The following GAK variants were observed in gnomAD, a reference collection of about 807,000 sequenced individuals.
GAK encodes cyclin-G-associated kinase.
GAK carries 79 observed loss-of-function variants against 143.9 expected under a neutral mutation model. The ratio of observed to expected loss-of-function variants is 0.55; its 90% CI spans 0.46 to 0.66. GAK has a LOEUF of 0.66. GAK is among the 30% of genes least tolerant of loss of function. The pLI is 0.00. For missense variants in GAK, 1,693 were observed against 1,779.7 expected (o/e 0.95, Z 0.88); for synonymous variants, 881 against 765.5 (o/e 1.15, Z -2.49).
intron 4 of GAK, among the ~76,000 whole-genome samples, chr4:905,594 G>A (rs778454976): frequency 2.7e-5 from 4 of 150,042 alleles, no homozygotes; most frequent in South Asian, 2.1e-4. Context: ...CCCAGGCCAC[G>A]TTACGGACTC....
chr4:916,087 A>G (rs565361968), intron 1 of GAK, among the ~76,000 whole-genome samples: 9 of 152,364 alleles, frequency 5.9e-5, no homozygotes, highest in African/African-American at 2.2e-4. Flanking sequence ...TTTTTTAGAT[A>G]TAAGCACAAA....
intron 14 of GAK, among the ~76,000 whole-genome samples, 200 bp from the exon 15 acceptor site, chr4:882,240 C>T (rs565163740): frequency 2.0e-5 from 3 of 152,338 alleles, no homozygotes; most frequent in East Asian, 1.9e-4. Flanking sequence ...GGTTCCCTAA[C>T]GAAGAACAGG....
rs575411849 is a variant in GAK, at chr4:907,364, A to G, written c.383-2585T>C. The stretch of plus-strand genomic sequence containing the variant: ...GCTTTGTGCTGACCCTCTGAGAAAC[A>G]GGGGGGCTCTCAGGAAAAATGAGGG... On this transcript the variant is annotated intron_variant, in intron 4 of 27. Transcript: ENST00000314167. Among the ~76,000 whole-genome samples the G allele has an allele frequency of 4.0e-3, 607 of 151,016 alleles. 2 individuals carry two copies. The highest frequency in any genetic ancestry group is 5.0e-3 in the Non-Finnish European group (335 of 67,070).
chr4:888,834 G>A lies in GAK; in HGVS notation c.1205+13C>T, dbSNP rs1717074026. 1.3e-6 allele frequency: 2 copies of A among 1,596,702 alleles called. No individual in the cohort carries two copies. The highest frequency in any genetic ancestry group is 2.7e-5 in the African/African-American group (2 of 74,838). ...CGTGCGGCAGGTCCAGGGCTCTGGAGCCTCACACTCACTTAGCGACGGACT... is the reference window on the plus strand; with the variant it reads ...CGTGCGGCAGGTCCAGGGCTCTGGAACCTCACACTCACTTAGCGACGGACT... On this transcript the variant is annotated intron_variant, in intron 11 of 27. Coordinates refer to ENST00000314167, the MANE Select transcript of GAK (RefSeq NM_005255.4).
chr4:920,539 A>ATTTTTTTT (rs34176109), intron 1 of GAK, among the ~76,000 whole-genome samples: 3,188 of 129,010 alleles, frequency 0.025, 143 homozygotes, highest in African/African-American at 0.051. Flanking sequence ...GTTTAGAGCC[A>ATTTTTTTT]TTTTTTTTTT....
intron 19 of GAK, 142 bp downstream of exon 19, chr4:870,569 C>T: frequency 1.3e-6 from 1 of 756,908 alleles, no homozygotes; most frequent in Non-Finnish European, 2.1e-6. Flanking sequence ...GTTTCCAAAA[C>T]CTCCTGCAGC....
chr4:883,554 G>C (rs1301131435), intron 12 of GAK, 91 bp from the exon 13 acceptor site: 5 of 1,454,978 alleles, frequency 3.4e-6, no homozygotes, highest in Non-Finnish European at 4.7e-6. Context: ...ACGCCCCCGG[G>C]CAAGCGCAGC....
At chr4:876,452 C>T in intron 18 of GAK, 78 bp downstream of exon 18, 1 of 1,310,260 alleles carries the variant, frequency 7.6e-7, no homozygotes, top group East Asian at 2.3e-5. Context: ...CCTGGGGCTC[C>T]CACGACCGGC....
At chr4:914,448 C>T (rs1722674199) in intron 1 of GAK, among the ~76,000 whole-genome samples, 1 of 89,222 alleles carries the variant, frequency 1.1e-5, no homozygotes, top group Admixed American at 1.2e-4. Flanking sequence ...ACGGCCCCCA[C>T]ACACACAGCC....
At chr4:914,356 A>G (rs1722630806) in intron 1 of GAK, among the ~76,000 whole-genome samples, 1 of 93,232 alleles carries the variant, frequency 1.1e-5, no homozygotes, top group African/African-American at 4.4e-5. Context: ...ACACAGCCCC[A>G]GCGTGCACGG....
chr4:902,612 A>AAAAAAAAAAAAAAAC (rs1560401696), intron 5 of GAK, among the ~76,000 whole-genome samples: 5 of 143,832 alleles, frequency 3.5e-5, no homozygotes, highest in African/African-American at 1.3e-4. Flanking sequence ...AAAAAAAAAA[A>AAAAAAAAAAAAAAAC]AACCCCAAAA....
At chr4:894,939 C>A (rs1718473587) in intron 7 of GAK, 1 of 152,068 alleles carries the variant, frequency 6.6e-6, no homozygotes, top group Admixed American at 6.6e-5. Flanking sequence ...GAGATCGCGC[C>A]ACTGCCCTCC....
chr4:863,751 G>A (rs1240623735), intron 23 of GAK, among the ~76,000 whole-genome samples: 1 of 152,236 alleles, frequency 6.6e-6, no homozygotes, highest in African/African-American at 2.4e-5. Flanking sequence ...TGGCCAGGCC[G>A]TGGTGGCTCA....
At chr4:864,157 T>A (rs993420601) in intron 23 of GAK, among the ~76,000 whole-genome samples, 1 of 152,148 alleles carries the variant, frequency 6.6e-6, no homozygotes, top group South Asian at 2.1e-4. Flanking sequence ...CCGGGAGTTC[T>A]AGACCAGCCT....
chr4:850,147 C>T (rs577069508), intron 26 of GAK, 79 bp from the exon 27 acceptor site: 86 of 1,389,922 alleles, frequency 6.2e-5, no homozygotes, highest in African/African-American at 2.2e-4. Flanking sequence ...TGAGGCACGA[C>T]GCTGAGGAAG....
chr4:879,248 G>A (rs1714603202), intron 15 of GAK, among the ~76,000 whole-genome samples: 1 of 152,158 alleles, frequency 6.6e-6, no homozygotes, highest in African/African-American at 2.4e-5. Context: ...GCTGAAAGAG[G>A]ACTTCCTGCA....
intron 1 of GAK, among the ~76,000 whole-genome samples, chr4:928,084 G>C (rs1251958791): frequency 6.6e-6 from 1 of 152,178 alleles, no homozygotes. Flanking sequence ...TTGAGATAGA[G>C]TCTCGCTCTG....
At chr4:891,107 C>T (rs1024380687) in intron 9 of GAK, among the ~76,000 whole-genome samples, 8 of 152,122 alleles carry the variant, frequency 5.3e-5, no homozygotes, top group South Asian at 2.1e-4. Context: ...TACAGGCATG[C>T]GCCACCACGC....
At position 881,884 on chromosome 4, in the gene GAK, G is replaced by A. The variant is rs571936750; in HGVS notation, c.1661+23C>T. On this transcript the variant is annotated intron_variant, in intron 15 of 27. Coordinates refer to ENST00000314167, the MANE Select transcript of GAK (RefSeq NM_005255.4). The stretch of plus-strand genomic sequence containing the variant: ...ACACGGGCCCACAGAGCTGTCCCCT[G>A]TCCCCGGAGGGCCACGCAGTACCTT... The A allele has an allele frequency of 3.1e-4, 482 of 1,557,838 alleles. 9 individuals are homozygous for A. In the South Asian group the frequency reaches 5.4e-3, roughly 17 times the overall value.
Sources: gnomAD v4.1 joint callset for allele counts (sites outside exome capture counted in the v4.1 genomes callset) on GRCh38, gnomAD v4.1.1 for gene constraint, MANE v1.5 for transcripts, NCBI Gene and HGNC (gene_info 2026-07-23, HGNC 2026-07-21) for gene names.